VTI1A: variants seen among roughly 807,000 people sequenced by gnomAD.
VTI1A encodes vesicle transport through interaction with t-SNAREs homolog 1A.
A neutral mutation model predicts 34.9 loss-of-function variants in VTI1A; 22 were observed. The ratio of observed to expected loss-of-function variants is 0.63; its 90% CI spans 0.45 to 0.90. The LOEUF (loss-of-function observed/expected upper bound fraction) is 0.90. Ranked by LOEUF, VTI1A falls within the 40% of genes least tolerant of loss-of-function variation. The pLI is 0.00. For missense variants in VTI1A, 268 were observed against 275.6 expected (o/e 0.97, Z 0.20); for synonymous variants, 87 against 97.3 (o/e 0.89, Z 0.62).
At chr10:112,589,398 T>G (rs942171229) in intron 5 of VTI1A, among the ~76,000 whole-genome samples, 1 of 151,786 alleles carries the variant, frequency 6.6e-6, no homozygotes, top group African/African-American at 2.4e-5. Context: ...ATGTGAGACG[T>G]GCCTTTCACC....
chr10:112,681,078 C>CTT (rs11371825), intron 7 of VTI1A, among the ~76,000 whole-genome samples: 59 of 141,060 alleles, frequency 4.2e-4, no homozygotes, highest in African/African-American at 9.4e-4. Context: ...TTTTTCTTTT[C>CTT]TTTTTTTTTT....
chr10:112,671,753 A>G (rs960573996), intron 7 of VTI1A: 1 of 152,192 alleles, frequency 6.6e-6, no homozygotes, highest in Non-Finnish European at 1.5e-5. Context: ...AAAATAAGTA[A>G]GCAACAAAAA....
chr10:112,472,948 T>C (rs948413894), intron 3 of VTI1A, among the ~76,000 whole-genome samples: 1 of 150,614 alleles, frequency 6.6e-6, no homozygotes, highest in Admixed American at 6.6e-5. Context: ...CTGGTCGTTA[T>C]AGAATATTCT....
chr10:112,572,842 CAAAA>C (rs35922968), intron 5 of VTI1A, among the ~76,000 whole-genome samples: 7 of 131,888 alleles, frequency 5.3e-5, no homozygotes, highest in Non-Finnish European at 6.5e-5. Flanking sequence ...CCGTCTCAAC[CAAAA>C]AAAAAAAAAA....
At chr10:112,686,390 G>A (rs1454309579) in intron 7 of VTI1A, among the ~76,000 whole-genome samples, 1 of 152,158 alleles carries the variant, frequency 6.6e-6, no homozygotes, top group Non-Finnish European at 1.5e-5. Context: ...AGGATCCATG[G>A]AGAGGCACCA....
At chr10:112,826,441 C>G in the VTI1A span, 1 of 152,152 alleles carries the variant, frequency 6.6e-6, no homozygotes, top group East Asian at 1.9e-4. Flanking sequence ...AAAAGCAGCC[C>G]CATCAATACA....
intron 2 of VTI1A, among the ~76,000 whole-genome samples, chr10:112,462,205 G>C (rs1334213741): frequency 6.6e-6 from 1 of 152,146 alleles, no homozygotes. Flanking sequence ...TTTGACTATT[G>C]GGATTAATTG....
At chr10:112,600,579 G>T (rs1002246899) in intron 5 of VTI1A, among the ~76,000 whole-genome samples, 1 of 152,114 alleles carries the variant, frequency 6.6e-6, no homozygotes, top group Non-Finnish European at 1.5e-5. Context: ...CTGACCACCA[G>T]TCTAAAATAG....
At chr10:112,546,181 A>G (rs1851114365) in intron 5 of VTI1A, among the ~76,000 whole-genome samples, 1 of 150,392 alleles carries the variant, frequency 6.6e-6, no homozygotes, top group Non-Finnish European at 1.5e-5. Flanking sequence ...ACACACACAC[A>G]TACGCACACA....
chr10:112,619,137 G>A (rs1480785669), intron 5 of VTI1A, among the ~76,000 whole-genome samples: 1 of 150,672 alleles, frequency 6.6e-6, no homozygotes, highest in Admixed American at 6.6e-5. Flanking sequence ...GTAATGTCAT[G>A]TTGAAGTAAA....
intron 7 of VTI1A, among the ~76,000 whole-genome samples, chr10:112,814,290 A>C (rs1351865296): frequency 6.6e-6 from 1 of 151,780 alleles, no homozygotes; most frequent in East Asian, 1.9e-4. Flanking sequence ...TATTTGGAGG[A>C]GGGTTGGATG....
chr10:112,447,043 AG>A (rs1178522084), upstream of VTI1A: 2 of 307,728 alleles, frequency 6.5e-6, no homozygotes, highest in Non-Finnish European at 6.4e-6. Flanking sequence ...CAGAACACGA[AG>A]GGGGGAAAAA....
chr10:112,506,461 T>G (rs1166701930), intron 3 of VTI1A, among the ~76,000 whole-genome samples: 1 of 152,190 alleles, frequency 6.6e-6, no homozygotes, highest in Non-Finnish European at 1.5e-5. Flanking sequence ...TTGTGTTATT[T>G]TTTAGTGGTT....
chr10:112,693,160 A>T (rs1848663099), intron 7 of VTI1A, among the ~76,000 whole-genome samples: 2 of 152,208 alleles, frequency 1.3e-5, no homozygotes, highest in South Asian at 4.1e-4. Flanking sequence ...TACCTCTTAA[A>T]ACTTTTTTCT....
At chr10:112,650,163 C>T (rs1393821850) in intron 5 of VTI1A, among the ~76,000 whole-genome samples, 3 of 152,196 alleles carry the variant, frequency 2.0e-5, no homozygotes, top group Non-Finnish European at 4.4e-5. Context: ...CATTGTACAG[C>T]TGTACAAAAA....
At chr10:112,545,100 A>G (rs1421679056) in intron 5 of VTI1A, among the ~76,000 whole-genome samples, 2 of 152,256 alleles carry the variant, frequency 1.3e-5, no homozygotes, top group South Asian at 2.1e-4. Flanking sequence ...CCTTTTACCA[A>G]CTGAAATTGC....
intron 7 of VTI1A, among the ~76,000 whole-genome samples, chr10:112,782,465 G>C (rs533346428): frequency 6.6e-6 from 1 of 152,256 alleles, no homozygotes; most frequent in Non-Finnish European, 1.5e-5. Flanking sequence ...CGTTTCCAAG[G>C]CCTTCTGAGT....
chr10:112,452,688 A>G (rs1286939175), intron 1 of VTI1A, among the ~76,000 whole-genome samples: 1 of 135,280 alleles, frequency 7.4e-6, no homozygotes, highest in Non-Finnish European at 1.6e-5. Context: ...TGTTGTCTAT[A>G]TATTGGTCAA....
the VTI1A span, among the ~76,000 whole-genome samples, chr10:112,830,850 T>TATATATA: frequency 1.3e-4 from 4 of 29,820 alleles, no homozygotes; most frequent in African/African-American, 4.2e-4. Context: ...TATATATATA[T>TATATATA]TTTTTTTTTT....
Sources: allele counts gnomAD v4.1 joint callset (sites outside exome capture counted in the v4.1 genomes callset), GRCh38; gene constraint gnomAD v4.1.1; transcripts MANE v1.5; gene names NCBI Gene and HGNC (gene_info 2026-07-23, HGNC 2026-07-21).